ZBTB20: variants seen among roughly 807,000 people sequenced by gnomAD.
The protein encoded by ZBTB20 is zinc finger and BTB domain containing 20.
A neutral mutation model predicts 56.9 loss-of-function variants in ZBTB20; 9 were observed. The ratio of observed to expected loss-of-function variants is 0.16; its 90% CI spans 0.10 to 0.28. The LOEUF (loss-of-function observed/expected upper bound fraction) is 0.28, where lower values mean the gene tolerates loss of function less well. ZBTB20 is among the 10% of genes least tolerant of loss of function. The pLI is 1.00. For synonymous variants in ZBTB20, 417 were observed against 420.7 expected (o/e 0.99, Z 0.11); for missense variants, 655 against 1,003.0 (o/e 0.65, Z 4.69).
At chr3:114,361,615 CT>C (rs1311669668) in intron 10 of ZBTB20, among the ~76,000 whole-genome samples, 2 of 152,182 alleles carry the variant, frequency 1.3e-5, no homozygotes, top group Non-Finnish European at 2.9e-5. Flanking sequence ...AAAGAGTTTT[CT>C]TTCCTAATGT....
At chr3:114,618,236 TCC>T (rs1301805170) in intron 6 of ZBTB20, among the ~76,000 whole-genome samples, 2 of 86,834 alleles carry the variant, frequency 2.3e-5, no homozygotes, top group African/African-American at 7.8e-5. Flanking sequence ...AATGTTTCTT[TCC>T]TTTTTTTTTT....
chr3:114,379,428 TG>T (rs1456672053), intron 10 of ZBTB20, among the ~76,000 whole-genome samples: 1 of 152,218 alleles, frequency 6.6e-6, no homozygotes, highest in African/African-American at 2.4e-5. Context: ...TCTGAAGTAT[TG>T]GGTTACATTT....
chr3:114,343,143 GAA>G (rs532287052), intron 11 of ZBTB20, among the ~76,000 whole-genome samples: 6 of 109,158 alleles, frequency 5.5e-5, no homozygotes, highest in Non-Finnish European at 3.9e-5. Flanking sequence ...ACTGAAAAGT[GAA>G]AAAAAAAAAA....
chr3:114,691,547 AAAT>A (rs1340129990), intron 6 of ZBTB20, among the ~76,000 whole-genome samples: 2 of 151,974 alleles, frequency 1.3e-5, no homozygotes, highest in Admixed American at 6.6e-5. Context: ...ATTGAGATAT[AAAT>A]AATAATAATA....
At chr3:114,397,959 T>C (rs1315827771) in intron 7 of ZBTB20, among the ~76,000 whole-genome samples, 2 of 152,156 alleles carry the variant, frequency 1.3e-5, no homozygotes, top group South Asian at 2.1e-4. Flanking sequence ...TCAGATTTCC[T>C]TTCCATTAAT....
In ZBTB20 at chr3:114,506,013, G is replaced by T. The variant is rs147468958; in HGVS notation, c.-294-5622C>A. On this transcript the variant is annotated intron_variant, in intron 6 of 11. Coordinates refer to ENST00000675478, the MANE Select transcript of ZBTB20 (RefSeq NM_001348800.3). ...GCAAGGGTATTTATATGTGCATACA[G>T]AACCTGTGCCATCACTCTCTAGGTA... is the stretch of plus-strand genomic sequence containing the variant. 1.2e-3 allele frequency among the ~76,000 whole-genome samples: 184 copies of T among 152,212 alleles called. 2 individuals carry two copies. In the East Asian group the frequency reaches 0.022, roughly 18 times the overall value.
chr3:114,345,215 G>A (rs183653670), intron 11 of ZBTB20, among the ~76,000 whole-genome samples: 1 of 152,056 alleles, frequency 6.6e-6, no homozygotes, highest in South Asian at 2.1e-4. Flanking sequence ...TGTGCACATT[G>A]ACCAAATGAA....
At chr3:114,374,570 C>T (rs1008645453) in intron 10 of ZBTB20, among the ~76,000 whole-genome samples, 1 of 152,142 alleles carries the variant, frequency 6.6e-6, no homozygotes, top group Non-Finnish European at 1.5e-5. Flanking sequence ...GTCTCTATTA[C>T]GGTTCTTCAC....
chr3:114,750,465 T>A (rs1190820622), intron 5 of ZBTB20, among the ~76,000 whole-genome samples: 1 of 152,166 alleles, frequency 6.6e-6, no homozygotes, highest in Non-Finnish European at 1.5e-5. Flanking sequence ...AAAGCAGAAT[T>A]CCTAGGAATT....
intron 4 of ZBTB20, among the ~76,000 whole-genome samples, chr3:114,872,581 T>C (rs1258789672): frequency 6.6e-6 from 1 of 151,620 alleles, no homozygotes; most frequent in African/African-American, 2.4e-5. Context: ...GGAAAGGAAG[T>C]TGAATTAGTT....
In ZBTB20 at chr3:114,335,968, G is replaced by C. The variant is rs1421400276; in HGVS notation, c.*3037C>G. On this transcript the variant is annotated 3_prime_UTR_variant, in exon 12 of 12. Coordinates refer to ENST00000675478, the MANE Select transcript of ZBTB20 (RefSeq NM_001348800.3). ...ATTTTACATGGCAAATCAGCATTAA[G>C]GCAAATGGGTCTCTCTCAGATTTGA... 1 of 152,188 alleles carries C rather than the reference G, an allele frequency of 6.6e-6. No homozygotes were observed. The highest frequency in any genetic ancestry group is 2.4e-5 in the African/African-American group (1 of 41,438). 9.4% of individuals were successfully genotyped at this position (152,188 alleles called of 1,614,324 possible). A position where few individuals can be genotyped will look rare whatever the true frequency, so the allele number is the denominator to read the frequency against.
chr3:114,830,701 C>A (rs1399161099), intron 4 of ZBTB20, among the ~76,000 whole-genome samples: 1 of 151,986 alleles, frequency 6.6e-6, no homozygotes, highest in Non-Finnish European at 1.5e-5. Flanking sequence ...TGACTAAATT[C>A]TTGCAGCAAA....
intron 4 of ZBTB20, among the ~76,000 whole-genome samples, chr3:114,890,052 A>C (rs1020897257): frequency 2.0e-5 from 3 of 152,174 alleles, no homozygotes; most frequent in African/African-American, 7.2e-5. Flanking sequence ...CATAGCCAAT[A>C]AGTGATAACA....
At chr3:115,087,193 A>ATGTTCATT (rs2083018143) in intron 1 of ZBTB20, among the ~76,000 whole-genome samples, 1 of 151,820 alleles carries the variant, frequency 6.6e-6, no homozygotes, top group South Asian at 2.1e-4. Flanking sequence ...AATTTAGCTT[A>ATGTTCATT]TGTTCATTTC....
intron 1 of ZBTB20, among the ~76,000 whole-genome samples, chr3:115,128,828 G>A (rs1195243042): frequency 2.0e-5 from 3 of 151,966 alleles, no homozygotes; most frequent in Admixed American, 1.3e-4. Flanking sequence ...GGCAGGGCAC[G>A]GTGGCTCACG....
intron 1 of ZBTB20, among the ~76,000 whole-genome samples, chr3:115,099,574 C>CAACT (rs2083503013): frequency 6.6e-6 from 1 of 152,194 alleles, no homozygotes; most frequent in South Asian, 2.1e-4. Context: ...CCACCCTCAG[C>CAACT]AACTACCCCT....
At chr3:114,624,340 AAAC>A (rs2058517510) in intron 6 of ZBTB20, 1 of 150,282 alleles carries the variant, frequency 6.7e-6, no homozygotes, top group East Asian at 2.0e-4. Context: ...TCTTATAAAT[AAAC>A]AACAGTAAGA....
intron 2 of ZBTB20, among the ~76,000 whole-genome samples, chr3:115,065,515 T>C (rs895813675): frequency 2.0e-5 from 3 of 152,194 alleles, no homozygotes; most frequent in Admixed American, 2.0e-4. Context: ...TGTGGATTTA[T>C]ATATTTTTTA....
At chr3:114,872,482 C>G (rs1335551419) in intron 4 of ZBTB20, among the ~76,000 whole-genome samples, 2 of 151,800 alleles carry the variant, frequency 1.3e-5, no homozygotes, top group Non-Finnish European at 2.9e-5. Flanking sequence ...AGAAAGAGAA[C>G]AGGAAGAAAT....
Sources: gnomAD v4.1 joint callset for allele counts (sites outside exome capture counted in the v4.1 genomes callset) on GRCh38, gnomAD v4.1.1 for gene constraint, MANE v1.5 for transcripts, NCBI Gene and HGNC (gene_info 2026-07-23, HGNC 2026-07-21) for gene names.